The following RSF1 variants were observed in gnomAD, a reference collection of about 807,000 sequenced individuals.
RSF1 encodes HBV pX-associated protein 8.
RSF1 carries 13 observed loss-of-function variants against 145.2 expected under a neutral mutation model. The observed-to-expected ratio is 0.09, with a 90% CI of 0.06 to 0.14. The LOEUF is 0.14. RSF1 is among the 10% of genes least tolerant of loss of function. RSF1 has a pLI of 1.00. For missense variants in RSF1, 1,517 were observed against 1,718.2 expected (o/e 0.88, Z 2.07); for synonymous variants, 577 against 592.6 (o/e 0.97, Z 0.38).
chr11:77,720,578 A>G (rs929769399), intron 5 of RSF1, among the ~76,000 whole-genome samples: 4 of 152,218 alleles, frequency 2.6e-5, no homozygotes, highest in Admixed American at 6.5e-5. Flanking sequence ...ACAACTCAAA[A>G]AGTATTTGAG....
intron 2 of RSF1, among the ~76,000 whole-genome samples, chr11:77,752,693 G>A (rs749285099): frequency 4.6e-5 from 7 of 152,082 alleles, no homozygotes; most frequent in East Asian, 1.9e-4. Flanking sequence ...AGATGAGGTC[G>A]CAAACTGTCA....
At chr11:77,711,905 C>T (rs1227174896) in intron 5 of RSF1, among the ~76,000 whole-genome samples, 4 of 152,062 alleles carry the variant, frequency 2.6e-5, no homozygotes, top group African/African-American at 7.3e-5. Flanking sequence ...CCTTAGTCTC[C>T]TCCATTCCTC....
intron 3 of RSF1, among the ~76,000 whole-genome samples, chr11:77,744,115 G>A (rs1947971779): frequency 6.6e-6 from 1 of 152,088 alleles, no homozygotes; most frequent in African/African-American, 2.4e-5. Flanking sequence ...TGCAACCTCT[G>A]CCTCCCGAGC....
At chr11:77,686,235 C>T (rs539446506) in intron 9 of RSF1, among the ~76,000 whole-genome samples, 3 of 151,720 alleles carry the variant, frequency 2.0e-5, no homozygotes, top group African/African-American at 7.2e-5. Flanking sequence ...ACGCCTGTTT[C>T]TATAAAAATT....
At chr11:77,832,954 TGTGTGTGTGTGTGTG>T in the RSF1 span, among the ~76,000 whole-genome samples, 1 of 5,122 alleles carries the variant, frequency 2.0e-4, no homozygotes, top group Non-Finnish European at 3.5e-4. Context: ...TATATATATG[TGTGTGTGTGTGTGTG>T]TGTGTGTGTG....
At position 77,702,231 on chromosome 11, in the gene RSF1, G is replaced by C. The variant is rs778363622; in HGVS notation, c.998C>G (p.Pro333Arg). 9 of 1,613,558 alleles carry C rather than the reference G, an allele frequency of 5.6e-6. No homozygotes were observed. Among genetic ancestry groups the C allele is most frequent in the South Asian group, 1.1e-5 (1 of 90,908 alleles). ...CTCCATGCTACTTTTGGTATCTTTA[G>C]GATCTGCTCTACATTCCTTCACCTC... ...KVEVKECRAD[P>R]KDTKSSMEKP... Residue 333 changes from proline (P) to arginine (R), a missense_variant, in exon 6 of 16, where the codon CCT becomes CGT. Around this residue, in one of 12 missense-constraint regions of RSF1, gnomAD observed 207 missense variants for 191.4 expected, o/e 1.08. Coordinates refer to ENST00000308488, the MANE Select transcript of RSF1 (RefSeq NM_016578.4).
At chr11:77,825,893 C>T in the RSF1 span, among the ~76,000 whole-genome samples, 9 of 151,940 alleles carry the variant, frequency 5.9e-5, no homozygotes, top group African/African-American at 2.2e-4. Flanking sequence ...GGTTTCACTA[C>T]GTTGGCCAGG....
At chr11:77,678,408 G>A (rs957386667) in intron 11 of RSF1, among the ~76,000 whole-genome samples, 2 of 151,882 alleles carry the variant, frequency 1.3e-5, no homozygotes, top group Admixed American at 6.6e-5. Flanking sequence ...GTAGAGACAG[G>A]GTTTCATCAT....
intron 1 of RSF1, among the ~76,000 whole-genome samples, chr11:77,764,924 TC>T (rs1379527514): frequency 1.3e-5 from 2 of 152,012 alleles, no homozygotes; most frequent in African/African-American, 2.4e-5. Flanking sequence ...CAAAACACCA[TC>T]AAATAAAAGT....
rs895915342 is a variant in RSF1 at position 77,796,601 on chromosome 11, G to T, written c.187+23927C>A. ...GCATTCTCTTTGAAAACTGGCAGAA[G>T]ACAAGGATGCCCTCTCTCACCACTC... On this transcript the variant is annotated intron_variant, in intron 1 of 15. Transcript: ENST00000308488. Among the ~76,000 whole-genome samples, 6 of 152,278 alleles carry T rather than the reference G, an allele frequency of 3.9e-5. No individual in the cohort carries two copies. The East Asian group carries it at 1.2e-3, about 29-fold the overall frequency.
the RSF1 span, among the ~76,000 whole-genome samples, chr11:77,830,800 T>C: frequency 1.3e-5 from 2 of 151,770 alleles, no homozygotes; most frequent in Admixed American, 6.6e-5. Context: ...GAAAAGATAC[T>C]CAACATCATT....
At chr11:77,780,920 T>C (rs1436859474) in intron 1 of RSF1, among the ~76,000 whole-genome samples, 1 of 152,146 alleles carries the variant, frequency 6.6e-6, no homozygotes, top group Non-Finnish European at 1.5e-5. Flanking sequence ...AGGAAACCAT[T>C]GATCTGTTTT....
At chr11:77,730,296 G>A (rs919358690) in intron 4 of RSF1, among the ~76,000 whole-genome samples, 2 of 152,058 alleles carry the variant, frequency 1.3e-5, no homozygotes, top group African/African-American at 4.8e-5. Flanking sequence ...TTGTAATTAT[G>A]GGTACATGAA....
intron 4 of RSF1, among the ~76,000 whole-genome samples, chr11:77,737,621 G>GGGGT (rs1491534916): frequency 4.3e-5 from 4 of 93,548 alleles, no homozygotes; most frequent in Admixed American, 1.2e-4. Context: ...TGTTTTGGGG[G>GGGGT]GTGTGTGTGT....
chr11:77,741,696 G>A (rs933898781), intron 3 of RSF1, among the ~76,000 whole-genome samples: 5 of 151,974 alleles, frequency 3.3e-5, no homozygotes, highest in Non-Finnish European at 7.4e-5. Flanking sequence ...AAGAATTTTT[G>A]GTGGTGAGAA....
chr11:77,852,787 C>T, the RSF1 span, among the ~76,000 whole-genome samples: 36 of 152,002 alleles, frequency 2.4e-4, no homozygotes, highest in South Asian at 2.1e-3. Context: ...ATTTTCCATA[C>T]GCAAAAGGTA....
chr11:77,743,250 G>A (rs942960921), intron 3 of RSF1, among the ~76,000 whole-genome samples: 4 of 152,250 alleles, frequency 2.6e-5, no homozygotes, highest in Admixed American at 1.3e-4. Flanking sequence ...GAATTTTAGG[G>A]TTGTGTTTTA....
chr11:77,775,394 C>A (rs1948331836), intron 1 of RSF1, among the ~76,000 whole-genome samples: 1 of 152,118 alleles, frequency 6.6e-6, no homozygotes, highest in African/African-American at 2.4e-5. Flanking sequence ...TTGTTCAGAG[C>A]ACTGTGGGAG....
At chr11:77,818,919 A>C (rs76810014) in intron 1 of RSF1, among the ~76,000 whole-genome samples, 3,105 of 152,332 alleles carry the variant, frequency 0.02, 97 homozygotes, top group African/African-American at 0.07. Context: ...CCTATTTTGT[A>C]CTATTTTTTA....
Sources: gnomAD v4.1 joint callset for allele counts (sites outside exome capture counted in the v4.1 genomes callset) on GRCh38, gnomAD v4.1.1 for gene constraint, gnomAD v4.1.1 regional missense constraint, MANE v1.5 for transcripts, NCBI Gene and HGNC (gene_info 2026-07-23, HGNC 2026-07-21) for gene names.